The following CCDC3 variants were observed in gnomAD, a reference collection of about 807,000 sequenced individuals.
CCDC3 encodes the protein coiled-coil domain containing 3, also known as coiled-coil domain-containing protein 3.
Under a neutral mutation model 21.4 loss-of-function variants are expected in CCDC3, and 24 were observed. The ratio of observed to expected loss-of-function variants is 1.12; its 90% confidence interval spans 0.81 to 1.58. The LOEUF (loss-of-function observed/expected upper bound fraction) is 1.58, where lower values mean the gene tolerates loss of function less well. Among genes scored for constraint, CCDC3 ranks in the 40% most tolerant of loss-of-function variants. The pLI is 0.00. For missense variants in CCDC3, 425 were observed against 360.9 expected (o/e 1.18, Z -1.44); for synonymous variants, 186 against 166.0 (o/e 1.12, Z -0.93).
intron 2 of CCDC3, among the ~76,000 whole-genome samples, chr10:12,978,550 C>CAG (rs10578839): frequency 8.9e-4 from 133 of 149,474 alleles, no homozygotes; most frequent in Admixed American, 1.3e-3. Flanking sequence ...AGAATGGAAC[C>CAG]AGAGAGAGAG....
intron 2 of CCDC3, among the ~76,000 whole-genome samples, chr10:12,917,180 C>CTTTTTTTTTTTT (rs56054100): frequency 1.4e-4 from 8 of 58,226 alleles, no homozygotes; most frequent in African/African-American, 5.4e-4. Flanking sequence ...ATTTCTTCTT[C>CTTTTTTTTTTTT]TTTTTTTTTT....
At chr10:12,930,941 T>C (rs1834629488) in intron 2 of CCDC3, among the ~76,000 whole-genome samples, 1 of 152,162 alleles carries the variant, frequency 6.6e-6, no homozygotes, top group Non-Finnish European at 1.5e-5. Context: ...CCGGGTGTAG[T>C]GGCTCACACC....
intron 3 of CCDC3, among the ~76,000 whole-genome samples, chr10:13,096,835 C>A (rs1364233169): frequency 2.0e-5 from 3 of 152,152 alleles, no homozygotes; most frequent in Non-Finnish European, 2.9e-5. Flanking sequence ...CATCCCACTC[C>A]TCCTCCCAAT....
chr10:12,938,405 C>T (rs1043453985), intron 2 of CCDC3, among the ~76,000 whole-genome samples: 1 of 152,242 alleles, frequency 6.6e-6, no homozygotes, highest in African/African-American at 2.4e-5. Flanking sequence ...GCTTCAGCTA[C>T]TTTCTCCTGT....
intron 2 of CCDC3, among the ~76,000 whole-genome samples, chr10:12,933,907 C>CAGCTT (rs1834693508): frequency 6.6e-6 from 1 of 152,002 alleles, no homozygotes; most frequent in East Asian, 1.9e-4. Flanking sequence ...AGAATCAGCT[C>CAGCTT]TTTTGATTAT....
chr10:13,001,881 G>A (rs1835863825), upstream of CCDC3, among the ~76,000 whole-genome samples: 1 of 152,038 alleles, frequency 6.6e-6, no homozygotes, highest in East Asian at 1.9e-4. Context: ...GAGAACGCGG[G>A]GACGCCGGGA....
chr10:12,983,128 GTGTATATATATATATATATATATA>G (rs201353562), intron 2 of CCDC3, among the ~76,000 whole-genome samples: 40,093 of 117,994 alleles, frequency 0.34, 7,076 homozygotes, highest in South Asian at 0.41. Context: ...AAATAAAATA[GTGTATATATATATATATATATATA>G]TATATATATA....
intron 2 of CCDC3, among the ~76,000 whole-genome samples, chr10:12,995,816 A>T (rs1162026078): frequency 5.9e-5 from 9 of 152,214 alleles, no homozygotes; most frequent in Admixed American, 5.9e-4. Context: ...TCAACATCTG[A>T]TCAACAGAAA....
At position 12,914,328 on chromosome 10, in the gene CCDC3, T is replaced by C. The variant is rs189383471; in HGVS notation, c.550-15649A>G. ...AGTAGGTTGTATGTGTCTAGGAATT[T>C]ATCCATTTCTTGTAAGTTATCTAAT... On this transcript the variant is annotated intron_variant, in intron 2 of 2. Coordinates refer to ENST00000378825, the MANE Select transcript of CCDC3 (RefSeq NM_031455.4). Among the ~76,000 whole-genome samples, 24 of 152,346 alleles carry C rather than the reference T, an allele frequency of 1.6e-4. No individual in the cohort carries two copies. In the East Asian group the frequency reaches 4.2e-3, roughly 27 times the overall value.
At chr10:13,039,521 T>C (rs1235370823) in intron 5 of CCDC3, among the ~76,000 whole-genome samples, 7 of 152,166 alleles carry the variant, frequency 4.6e-5, no homozygotes, top group African/African-American at 1.7e-4. Flanking sequence ...AAATAAGCAA[T>C]AAAGAACTAG....
rs115586887 is a variant in CCDC3, at chr10:12,950,037, C to T, written c.549+48301G>A. ...TCACATCCAAGCCCATCATCACCTC[C>T]TGTGCTCATCTCTGCTGTCTCTTCT... is the stretch of plus-strand genomic sequence containing the variant. On this transcript the variant is annotated intron_variant, in intron 2 of 2. Transcript: ENST00000378825. Among the ~76,000 whole-genome samples, 1,096 of 152,340 alleles carry T rather than the reference C, an allele frequency of 7.2e-3. 10 individuals carry two copies. Among genetic ancestry groups the T allele is most frequent in the African/African-American group, 0.025 (1,042 of 41,572 alleles).
intron 5 of CCDC3, among the ~76,000 whole-genome samples, chr10:13,037,087 C>T (rs1388335218): frequency 6.6e-6 from 1 of 152,094 alleles, no homozygotes; most frequent in Non-Finnish European, 1.5e-5. Flanking sequence ...GCCTGGCTGC[C>T]TCATGTACTT....
At chr10:13,000,620 C>A (rs961349799) in intron 1 of CCDC3, among the ~76,000 whole-genome samples, 3 of 152,200 alleles carry the variant, frequency 2.0e-5, no homozygotes, top group Non-Finnish European at 2.9e-5. Context: ...ACACCATTCA[C>A]ATCTTGGCAT....
At chr10:13,074,153 ATTTTTTTTTTTTTT>A (rs1220773339) in intron 3 of CCDC3, 1 of 64,292 alleles carries the variant, frequency 1.6e-5, no homozygotes, top group Admixed American at 1.6e-4. Flanking sequence ...ATATATATAT[ATTTTTTTTTTTTTT>A]TTTTTTTGAG....
intron 2 of CCDC3, among the ~76,000 whole-genome samples, chr10:12,992,729 CA>C (rs1835700296): frequency 6.6e-6 from 1 of 152,062 alleles, no homozygotes; most frequent in African/African-American, 2.4e-5. Context: ...ATGGGTGCAC[CA>C]AAATCTCAGA....
chr10:12,954,452 A>G (rs1835054516), intron 2 of CCDC3, among the ~76,000 whole-genome samples: 1 of 152,200 alleles, frequency 6.6e-6, no homozygotes, highest in South Asian at 2.1e-4. Context: ...GGTAACTCAT[A>G]AAGAAAAGAG....
At chr10:12,976,401 A>G (rs1050475610) in intron 2 of CCDC3, among the ~76,000 whole-genome samples, 1 of 152,206 alleles carries the variant, frequency 6.6e-6, no homozygotes, top group African/African-American at 2.4e-5. Context: ...AATTTCCAAC[A>G]GCATCTGGTA....
intron 5 of CCDC3, among the ~76,000 whole-genome samples, chr10:13,024,423 G>C (rs503672): frequency 0.65 from 99,092 of 151,934 alleles, 33,396 homozygotes; most frequent in East Asian, 0.83. Flanking sequence ...AAGATTCTTA[G>C]TATATTTTGC....
chr10:13,094,906 T>A (rs1832613018), intron 3 of CCDC3, among the ~76,000 whole-genome samples: 3 of 151,734 alleles, frequency 2.0e-5, no homozygotes, highest in African/African-American at 7.3e-5. Flanking sequence ...AAGGAGGAGC[T>A]TAGCACAGCA....
Sources: gnomAD v4.1 joint callset for allele counts (sites outside exome capture counted in the v4.1 genomes callset) on GRCh38, gnomAD v4.1.1 for gene constraint, MANE v1.5 for transcripts, NCBI Gene and HGNC (gene_info 2026-07-23, HGNC 2026-07-21) for gene names.